ASPRV1: variants seen among roughly 807,000 people sequenced by gnomAD.
ASPRV1 encodes retroviral-like aspartic protease 1.
A neutral mutation model predicts 11.0 loss-of-function variants in ASPRV1; 7 were observed. The ratio of observed to expected loss-of-function variants is 0.64; its 90% confidence interval spans 0.36 to 1.20. The LOEUF (loss-of-function observed/expected upper bound fraction) is 1.20, where lower values mean the gene tolerates loss of function less well. Ranked by LOEUF, ASPRV1 falls within the 50% of genes most tolerant of loss-of-function variation. The pLI is 0.02. For synonymous variants in ASPRV1, 136 were observed against 138.4 expected (o/e 0.98, Z 0.12); for missense variants, 299 against 320.0 (o/e 0.93, Z 0.50).
the ASPRV1 span, among the ~76,000 whole-genome samples, chr2:69,969,625 CT>C: frequency 6.6e-6 from 1 of 152,162 alleles, no homozygotes; most frequent in Non-Finnish European, 1.5e-5. Flanking sequence ...GGACACCCCT[CT>C]CTGCACCGCT....
chr2:69,982,656 G>A, the ASPRV1 span, among the ~76,000 whole-genome samples: 6 of 152,110 alleles, frequency 3.9e-5, no homozygotes, highest in East Asian at 1.2e-3. Context: ...GGAGGACACT[G>A]GGCACTAGGA....
chr2:70,009,685 C>T, the ASPRV1 span, among the ~76,000 whole-genome samples: 1 of 152,162 alleles, frequency 6.6e-6, no homozygotes, highest in Non-Finnish European at 1.5e-5. Flanking sequence ...TCCAGGGGGA[C>T]AATGCAGGCC....
the ASPRV1 span, chr2:69,995,400 A>C: frequency 1.3e-5 from 2 of 152,288 alleles, no homozygotes; most frequent in African/African-American, 2.4e-5. Context: ...AAAAAAAAAA[A>C]AAAAAACTTT....
the ASPRV1 span, among the ~76,000 whole-genome samples, chr2:69,984,645 G>C: frequency 2.9e-5 from 3 of 103,406 alleles, no homozygotes; most frequent in Non-Finnish European, 5.3e-5. Context: ...TTTTGAGACA[G>C]AGTCTTGCTC....
the ASPRV1 span, among the ~76,000 whole-genome samples, chr2:70,064,652 G>T: frequency 1.3e-5 from 2 of 152,196 alleles, no homozygotes; most frequent in Non-Finnish European, 2.9e-5. Context: ...GGATGGGAAG[G>T]TCAAGATAGG....
At chr2:69,991,284 G>A in the ASPRV1 span, among the ~76,000 whole-genome samples, 1 of 152,160 alleles carries the variant, frequency 6.6e-6, no homozygotes, top group Non-Finnish European at 1.5e-5. Flanking sequence ...ATGTGTGGGG[G>A]CTCTCCTGAT....
chr2:70,054,698 A>G, the ASPRV1 span, among the ~76,000 whole-genome samples: 1 of 152,210 alleles, frequency 6.6e-6, no homozygotes, highest in African/African-American at 2.4e-5. Context: ...AAAGTAAGAC[A>G]AACGATGGGA....
At chr2:69,991,528 G>A in the ASPRV1 span, among the ~76,000 whole-genome samples, 1 of 152,122 alleles carries the variant, frequency 6.6e-6, no homozygotes, top group African/African-American at 2.4e-5. Flanking sequence ...GCAGCCCAGA[G>A]AAGCCTCCCT....
the ASPRV1 span, among the ~76,000 whole-genome samples, chr2:70,069,888 T>C: frequency 6.6e-6 from 1 of 152,042 alleles, no homozygotes; most frequent in Non-Finnish European, 1.5e-5. Flanking sequence ...AGGGAAGCAA[T>C]AAAACAACCT....
the ASPRV1 span, among the ~76,000 whole-genome samples, chr2:69,990,104 TCATA>T: frequency 1.3e-5 from 2 of 152,244 alleles, no homozygotes; most frequent in Non-Finnish European, 2.9e-5. Flanking sequence ...TTGCCAAAGG[TCATA>T]CAAAGTGACA....
At chr2:70,058,622 G>A in the ASPRV1 span, among the ~76,000 whole-genome samples, 1 of 147,882 alleles carries the variant, frequency 6.8e-6, no homozygotes, top group East Asian at 2.0e-4. Context: ...GTATGATCTC[G>A]GCTCACTGCA....
chr2:70,068,686 T>C, the ASPRV1 span, among the ~76,000 whole-genome samples: 1 of 151,734 alleles, frequency 6.6e-6, no homozygotes, highest in Non-Finnish European at 1.5e-5. Flanking sequence ...TCCCAACACT[T>C]TGGGAGGCCA....
chr2:69,964,334 TCCA>T, upstream of ASPRV1: 1 of 455,746 alleles, frequency 2.2e-6, no homozygotes, highest in South Asian at 1.6e-5. Flanking sequence ...CTCTGGGACC[TCCA>T]CAACAGAAAC....
At chr2:69,991,804 C>T in the ASPRV1 span, among the ~76,000 whole-genome samples, 1 of 152,142 alleles carries the variant, frequency 6.6e-6, no homozygotes, top group African/African-American at 2.4e-5. Flanking sequence ...CCTCGGCCTC[C>T]CAAAGTGCTG....
At chr2:70,054,875 T>G in the ASPRV1 span, among the ~76,000 whole-genome samples, 8 of 152,206 alleles carry the variant, frequency 5.3e-5, no homozygotes, top group African/African-American at 1.9e-4. Context: ...TCCTCTTTGC[T>G]GTAAAGTTAA....
At chr2:69,999,855 G>A in the ASPRV1 span, among the ~76,000 whole-genome samples, 31 of 140,820 alleles carry the variant, frequency 2.2e-4, no homozygotes, top group Non-Finnish European at 4.4e-4. Context: ...GCCCTCCTCC[G>A]GGTCAGCACC....
the ASPRV1 span, among the ~76,000 whole-genome samples, chr2:70,020,933 G>T: frequency 4.6e-5 from 7 of 152,036 alleles, no homozygotes; most frequent in Non-Finnish European, 1.0e-4. Context: ...GATAAAGAGC[G>T]GTGATGGTTG....
At chr2:70,015,578 C>A in the ASPRV1 span, 1 of 152,274 alleles carries the variant, frequency 6.6e-6, no homozygotes, top group Non-Finnish European at 1.5e-5. Context: ...CACCAAGGGA[C>A]AACTGTAAAT....
the ASPRV1 span, among the ~76,000 whole-genome samples, chr2:69,935,071 G>A: frequency 5.3e-5 from 8 of 152,134 alleles, no homozygotes; most frequent in East Asian, 1.3e-3. Context: ...ACTGTATATA[G>A]TATTTACACA....
Sources: gnomAD v4.1 joint callset for allele counts (sites outside exome capture counted in the v4.1 genomes callset) on GRCh38, gnomAD v4.1.1 for gene constraint, MANE v1.5 for transcripts, NCBI Gene and HGNC (gene_info 2026-07-23, HGNC 2026-07-21) for gene names.